The following PPM1H variants were observed in gnomAD, a reference collection of about 807,000 sequenced individuals.
The protein encoded by PPM1H is protein phosphatase 1H.
A neutral mutation model predicts 54.9 loss-of-function variants in PPM1H; 27 were observed. The observed-to-expected ratio is 0.49, with a 90% CI of 0.36 to 0.68. PPM1H has a LOEUF of 0.68. Among genes scored for constraint, PPM1H ranks in the 30% least tolerant of loss-of-function variants. The pLI, the probability that PPM1H is intolerant of heterozygous loss-of-function variation, is 0.00. For missense variants in PPM1H, 596 were observed against 667.8 expected (o/e 0.89, Z 1.19); for synonymous variants, 305 against 270.8 (o/e 1.13, Z -1.24).
intron 1 of PPM1H, among the ~76,000 whole-genome samples, chr12:62,866,813 A>G (rs75843598): frequency 0.04 from 6,009 of 151,924 alleles, 356 homozygotes; most frequent in African/African-American, 0.14. Context: ...GCAATAGATA[A>G]CTAGTACAGC....
chr12:62,886,279 G>A (rs752792303), intron 1 of PPM1H, among the ~76,000 whole-genome samples: 21 of 152,144 alleles, frequency 1.4e-4, no homozygotes, highest in Non-Finnish European at 2.6e-4. Flanking sequence ...TAACTTCTGA[G>A]TACCAAATCT....
chr12:62,697,229 C>T (rs1401012552), intron 6 of PPM1H, among the ~76,000 whole-genome samples: 11 of 151,794 alleles, frequency 7.2e-5, no homozygotes, highest in African/African-American at 1.2e-4. Context: ...CAGGTCCAAG[C>T]GATTCTCCTG....
intron 2 of PPM1H, among the ~76,000 whole-genome samples, chr12:62,804,487 A>G (rs2076792766): frequency 1.3e-5 from 2 of 152,112 alleles, no homozygotes; most frequent in Admixed American, 1.3e-4. Flanking sequence ...GTGGACTTAC[A>G]GTTATTTCAT....
chr12:62,844,559 G>A lies in PPM1H; in HGVS notation c.246-12280C>T, dbSNP rs76124506. Among the ~76,000 whole-genome samples, 21 of 152,312 alleles carry A rather than the reference G, an allele frequency of 1.4e-4. No individual in the cohort carries two copies. The East Asian group carries it at 4.0e-3, about 29-fold the overall frequency. On this transcript the variant is annotated intron_variant, in intron 1 of 9. Transcript: ENST00000228705. This position sits in a 1 kb window ranked among gnomAD's most constrained non-coding sequence, Gnocchi z 5.2. ...ATTTCACACTTTGAAGGAGACAAAT[G>A]CGCTGAATGTAAGCGATTTTAAATT...
At chr12:62,833,909 AT>A (rs538149661) in intron 1 of PPM1H, among the ~76,000 whole-genome samples, 38 of 150,672 alleles carry the variant, frequency 2.5e-4, no homozygotes, top group South Asian at 4.2e-4. Flanking sequence ...TGGAAGGAGA[AT>A]TTTTTTTTTA....
intron 4 of PPM1H, among the ~76,000 whole-genome samples, chr12:62,771,299 C>T (rs1050243231): frequency 1.1e-5 from 1 of 87,878 alleles, no homozygotes; most frequent in African/African-American, 5.6e-5. Flanking sequence ...TGTGAAGACA[C>T]ACACACACAC....
intron 1 of PPM1H, among the ~76,000 whole-genome samples, chr12:62,915,950 T>C (rs1871608899): frequency 6.6e-6 from 1 of 152,198 alleles, no homozygotes; most frequent in Admixed American, 6.5e-5. Flanking sequence ...CAAAACCTGT[T>C]CTTCCAGGGT....
intron 6 of PPM1H, among the ~76,000 whole-genome samples, chr12:62,716,580 G>A (rs2076235593): frequency 6.6e-6 from 1 of 152,226 alleles, no homozygotes; most frequent in Non-Finnish European, 1.5e-5. Context: ...AGGCTAGAGT[G>A]CAGTGGCATA....
chr12:62,793,127 C>G (rs990443861), intron 3 of PPM1H, among the ~76,000 whole-genome samples: 28 of 152,124 alleles, frequency 1.8e-4, no homozygotes, highest in African/African-American at 6.5e-4. Flanking sequence ...ACCCCGAGCC[C>G]TGTGTCTAGA....
intron 2 of PPM1H, among the ~76,000 whole-genome samples, chr12:62,807,851 T>G (rs2076813941): frequency 6.6e-6 from 1 of 152,152 alleles, no homozygotes. Context: ...CCATCACTTA[T>G]TTATGAGACA....
intron 1 of PPM1H, among the ~76,000 whole-genome samples, chr12:62,852,851 C>T (rs59816756): frequency 0.12 from 18,203 of 152,110 alleles, 2,532 homozygotes; most frequent in African/African-American, 0.34. Flanking sequence ...CCTGATGTGA[C>T]GCAACTTGAA....
chr12:62,804,529 T>TA (rs907708786), intron 2 of PPM1H, among the ~76,000 whole-genome samples: 1 of 152,106 alleles, frequency 6.6e-6, no homozygotes, highest in Admixed American at 6.5e-5. Flanking sequence ...CATTATTTCT[T>TA]AAAAAAAATT....
Position 62,934,742 on chromosome 12 carries a change from T to C in PPM1H, c.-6A>G. On this transcript the variant is annotated 5_prime_UTR_variant, in exon 1 of 10. Coordinates refer to ENST00000228705, the MANE Select transcript of PPM1H (RefSeq NM_020700.2). The surrounding 1 kb of genome is among the most constrained non-coding windows in gnomAD (Gnocchi z 4.2). The stretch of plus-strand genomic sequence containing the variant: ...GATTTCACTCGAGTGAGCATATTAC[T>C]CCGGCGCCCGGCTGCAGCGGTGCGA... 1 of 1,532,764 alleles carries C rather than the reference T, an allele frequency of 6.5e-7. No individual in the cohort carries two copies. The highest frequency in any genetic ancestry group is 8.8e-7 in the Non-Finnish European group (1 of 1,135,100). 94.9% of individuals were successfully genotyped at this position (1,532,764 alleles called of 1,614,324 possible).
intron 1 of PPM1H, among the ~76,000 whole-genome samples, chr12:62,919,202 C>T (rs1223116817): frequency 6.6e-6 from 1 of 152,196 alleles, no homozygotes; most frequent in African/African-American, 2.4e-5. Flanking sequence ...GACTGTTTTT[C>T]AACAAGAAAG....
chr12:62,775,133 A>G (rs1454261106), intron 4 of PPM1H, among the ~76,000 whole-genome samples: 1 of 152,210 alleles, frequency 6.6e-6, no homozygotes, highest in East Asian at 1.9e-4. Context: ...GAGGGACGGG[A>G]GGATGGATAG....
intron 1 of PPM1H, among the ~76,000 whole-genome samples, chr12:62,920,492 T>G (rs553486290): frequency 1.3e-5 from 2 of 150,980 alleles, no homozygotes; most frequent in African/African-American, 4.9e-5. Context: ...GAGGTTTTTT[T>G]TTTTTTTTTT....
At chr12:62,839,981 C>T (rs938629312) in intron 1 of PPM1H, among the ~76,000 whole-genome samples, 10 of 150,708 alleles carry the variant, frequency 6.6e-5, no homozygotes, top group African/African-American at 2.4e-4. Context: ...TTGGATGCTG[C>T]AGTGAGCTAT....
chr12:62,716,115 T>C (rs1178151946), intron 6 of PPM1H, among the ~76,000 whole-genome samples: 1 of 152,238 alleles, frequency 6.6e-6, no homozygotes, highest in African/African-American at 2.4e-5. Flanking sequence ...GTGCAAGCTG[T>C]GTCAGAAGCT....
chr12:62,695,655 T>C (rs995505986), intron 6 of PPM1H, among the ~76,000 whole-genome samples: 11 of 152,212 alleles, frequency 7.2e-5, no homozygotes, highest in African/African-American at 2.6e-4. Flanking sequence ...ATAAAGCTAT[T>C]ATTAGAAGAA....
Sources: allele counts gnomAD v4.1 joint callset (sites outside exome capture counted in the v4.1 genomes callset), GRCh38; gene constraint gnomAD v4.1.1; non-coding constraint Gnocchi (gnomAD v3.1); transcripts MANE v1.5; gene names NCBI Gene and HGNC (gene_info 2026-07-23, HGNC 2026-07-21).